Variants in MAGI2 observed in about 807,000 individuals in gnomAD.
MAGI2 encodes the protein membrane associated guanylate kinase, WW and PDZ domain containing 2.
Under a neutral mutation model 133.3 loss-of-function variants are expected in MAGI2, and 35 were observed. The observed-to-expected ratio is 0.26, with a 90% confidence interval of 0.20 to 0.35. MAGI2 has a LOEUF of 0.35. Among genes scored for constraint, MAGI2 ranks in the 10% least tolerant of loss-of-function variants. MAGI2 has a pLI of 1.00. For missense variants in MAGI2, 1,636 were observed against 1,863.4 expected, an observed-to-expected ratio of 0.88 and a Z score of 2.25; for synonymous variants, 729 against 710.6, an observed-to-expected ratio of 1.03 and a Z score of -0.41.
rs78284573 is a variant in MAGI2 at position 78,517,583 on chromosome 7, A to C, written c.754+3847T>G. On this transcript the variant is annotated intron_variant, in intron 4 of 21. Coordinates refer to ENST00000354212, the MANE Select transcript of MAGI2 (RefSeq NM_012301.4). ...AATATATGTATTATATGCCTGGTAC[A>C]TTGTTTGTATCCATTAGAGGAGAGT... Among the ~76,000 whole-genome samples, 156 of 152,324 alleles carry C rather than the reference A, an allele frequency of 1.0e-3. 2 individuals are homozygous for C. Among genetic ancestry groups the C allele is most frequent in the African/African-American group, 3.5e-3 (144 of 41,572 alleles).
intron 1 of MAGI2, among the ~76,000 whole-genome samples, chr7:79,334,368 C>A (rs893006387): frequency 6.6e-6 from 1 of 152,076 alleles, no homozygotes; most frequent in African/African-American, 2.4e-5. Flanking sequence ...TGAGAAATAT[C>A]ATTTTGAATT....
chr7:78,126,157 T>C (rs914557660), intron 19 of MAGI2, among the ~76,000 whole-genome samples: 1 of 151,856 alleles, frequency 6.6e-6, no homozygotes, highest in Non-Finnish European at 1.5e-5. Context: ...TTTACTTCTC[T>C]CATTCACTGC....
chr7:78,973,994 A>G (rs917332566), intron 2 of MAGI2, among the ~76,000 whole-genome samples: 2 of 151,844 alleles, frequency 1.3e-5, no homozygotes, highest in Non-Finnish European at 2.9e-5. Flanking sequence ...AGCCCTGAAC[A>G]GCATCTTCCC....
At chr7:78,231,824 G>A (rs184505539) in intron 10 of MAGI2, among the ~76,000 whole-genome samples, 2 of 152,292 alleles carry the variant, frequency 1.3e-5, no homozygotes, top group East Asian at 3.9e-4. Flanking sequence ...CTTAGGGTAT[G>A]GTAGAAGTCC....
chr7:79,425,802 G>T (rs34931968), intron 1 of MAGI2, among the ~76,000 whole-genome samples: 5,137 of 151,800 alleles, frequency 0.034, 186 homozygotes, highest in East Asian at 0.18. Flanking sequence ...GAGGAAAAGA[G>T]GGGGAGAAAG....
chr7:79,186,244 T>TATATA (rs1827127237), intron 1 of MAGI2, among the ~76,000 whole-genome samples: 1 of 108,248 alleles, frequency 9.2e-6, no homozygotes, highest in African/African-American at 3.3e-5. Flanking sequence ...ATATATATAT[T>TATATA]TATATTTATT....
chr7:78,563,377 C>A (rs1388516396), intron 3 of MAGI2, among the ~76,000 whole-genome samples: 1 of 152,260 alleles, frequency 6.6e-6, no homozygotes, highest in Non-Finnish European at 1.5e-5. Flanking sequence ...GCAGCATGCA[C>A]CTTCCCGTGC....
chr7:79,417,887 A>AC (rs530085993), intron 1 of MAGI2, among the ~76,000 whole-genome samples: 45 of 151,908 alleles, frequency 3.0e-4, no homozygotes, highest in East Asian at 1.4e-3. Flanking sequence ...AACAACAACT[A>AC]CCCCCCCAAA....
At chr7:78,937,794 C>T (rs942194026) in intron 2 of MAGI2, among the ~76,000 whole-genome samples, 5 of 152,152 alleles carry the variant, frequency 3.3e-5, no homozygotes, top group Non-Finnish European at 5.9e-5. Context: ...CTTAACTCCT[C>T]TGTGCCTCTG....
At chr7:78,555,223 C>G (rs2110633) in intron 3 of MAGI2, among the ~76,000 whole-genome samples, 1 of 135,966 alleles carries the variant, frequency 7.4e-6, no homozygotes, top group African/African-American at 3.2e-5. Context: ...GATAGATAGA[C>G]AGATAGATAG....
intron 9 of MAGI2, among the ~76,000 whole-genome samples, chr7:78,293,976 T>C (rs1307049801): frequency 2.0e-5 from 3 of 152,116 alleles, no homozygotes; most frequent in Non-Finnish European, 2.9e-5. Context: ...ACACTTAATG[T>C]AAATGACGAG....
chr7:78,339,334 C>A (rs1219754870), intron 9 of MAGI2, among the ~76,000 whole-genome samples: 1 of 152,148 alleles, frequency 6.6e-6, no homozygotes, highest in Non-Finnish European at 1.5e-5. Context: ...TAAATGAAGA[C>A]AATCTGCTAA....
At chr7:78,381,283 A>C (rs1794899264) in intron 6 of MAGI2, among the ~76,000 whole-genome samples, 1 of 152,026 alleles carries the variant, frequency 6.6e-6, no homozygotes, top group African/African-American at 2.4e-5. Flanking sequence ...GGAAGGAGAA[A>C]TTGCAGTGAG....
chr7:79,451,963 T>C (rs1409327517), intron 1 of MAGI2, among the ~76,000 whole-genome samples: 1 of 152,254 alleles, frequency 6.6e-6, no homozygotes, highest in Non-Finnish European at 1.5e-5. Context: ...TCTCTCCTTC[T>C]GCACCATAAT....
chr7:78,611,252 T>G (rs949715655), intron 3 of MAGI2, among the ~76,000 whole-genome samples: 9 of 152,244 alleles, frequency 5.9e-5, no homozygotes, highest in African/African-American at 2.2e-4. Flanking sequence ...GCCCTGGCTA[T>G]GATAAAGCAT....
chr7:78,928,870 T>C (rs1799905221), intron 2 of MAGI2, among the ~76,000 whole-genome samples: 1 of 152,020 alleles, frequency 6.6e-6, no homozygotes, highest in African/African-American at 2.4e-5. Context: ...CAATCAGAAA[T>C]TCACTGCAAT....
intron 1 of MAGI2, among the ~76,000 whole-genome samples, chr7:79,277,041 C>T (rs977900689): frequency 1.3e-5 from 2 of 151,990 alleles, no homozygotes; most frequent in African/African-American, 4.8e-5. Context: ...AGGACTGACT[C>T]CAGTTTCAAA....
rs189555117 is a variant in MAGI2, at chr7:78,163,223, T to C, written c.2597-2950A>G. On this transcript the variant is annotated intron_variant, in intron 15 of 21. Transcript: ENST00000354212. ...CGCGGTCTTGGCTCACTGCAAGCTC[T>C]GCCTCCCGAGTTCATGCCGTTCTCC... Among the ~76,000 whole-genome samples the C allele has an allele frequency of 4.2e-3, 645 of 152,244 alleles. 8 individuals carry two copies. Among genetic ancestry groups the C allele is most frequent in the African/African-American group, 0.015 (618 of 41,548 alleles).
chr7:78,044,797 CTAA>C (rs1307642403), intron 21 of MAGI2, among the ~76,000 whole-genome samples: 1 of 151,658 alleles, frequency 6.6e-6, no homozygotes, highest in East Asian at 2.0e-4. Context: ...TTACCTTTTG[CTAA>C]GAATGGGAAT....
Sources: gnomAD v4.1 joint callset for allele counts (sites outside exome capture counted in the v4.1 genomes callset) on GRCh38, gnomAD v4.1.1 for gene constraint, MANE v1.5 for transcripts, NCBI Gene and HGNC (gene_info 2026-07-23, HGNC 2026-07-21) for gene names.